SHANK2: variants seen among roughly 807,000 people sequenced by gnomAD.
SHANK2 encodes the protein SH3 and multiple ankyrin repeat domains 2, also known as SH3 and multiple ankyrin repeat domains protein 2.
In SHANK2, 43 loss-of-function variants were observed where a neutral mutation model predicts 133.7. The observed-to-expected ratio is 0.32, with a 90% CI of 0.25 to 0.41. The LOEUF is 0.41. Among genes scored for constraint, SHANK2 ranks in the 10% least tolerant of loss-of-function variants. The probability of loss-of-function intolerance (pLI) is 1.00; values close to 1 mark genes in which losing one functional copy is unlikely to be tolerated. For missense variants in SHANK2, 1,994 were observed against 2,235.8 expected (o/e 0.89, Z 2.18); for synonymous variants, 1,017 against 952.8 (o/e 1.07, Z -1.24).
At chr11:71,132,686 G>T (rs1345964691) in intron 3 of SHANK2, among the ~76,000 whole-genome samples, 1 of 152,156 alleles carries the variant, frequency 6.6e-6, no homozygotes, top group East Asian at 1.9e-4. Flanking sequence ...TTTAAATGAC[G>T]TGTAAGAAAA....
At position 70,492,441 on chromosome 11, in the gene SHANK2, G is replaced by A. The variant is rs1555156140; in HGVS notation, c.2333C>T (p.Ala778Val). 6.2e-7 allele frequency: 1 copy of A among 1,614,006 alleles called. No homozygotes were observed. The highest frequency in any genetic ancestry group is 1.7e-5 in the Admixed American group (1 of 60,032). The change falls in exon 22 of 26, where the codon GCC (alanine) becomes GTC (valine). Residue 778 changes from alanine to valine, a missense_variant. Ala to Val is a moderately conservative substitution (Grantham distance 64). Around this residue, in one of 5 missense-constraint regions of SHANK2, gnomAD observed 488 missense variants for 642.6 expected, o/e 0.76. Transcript: ENST00000601538. ...KKDKPEEIVPASKPSRAAENM... is the reference protein window; with the variant it reads ...KKDKPEEIVPVSKPSRAAENM... ...CTCAGCAGCGCGGGAGGGCTTGGAGGCCGGGACTATCTCCTCGGGTTTATC... is the reference window on the plus strand; with the variant it reads ...CTCAGCAGCGCGGGAGGGCTTGGAGACCGGGACTATCTCCTCGGGTTTATC...
chr11:70,644,696 G>A (rs545882919), intron 17 of SHANK2, among the ~76,000 whole-genome samples: 10 of 152,262 alleles, frequency 6.6e-5, no homozygotes, highest in Non-Finnish European at 1.3e-4. Flanking sequence ...GGTGAGGACA[G>A]TGCTGAAATC....
intron 23 of SHANK2, 94 bp from the exon 24 acceptor site, chr11:70,489,442 C>T: frequency 7.7e-6 from 9 of 1,175,362 alleles, no homozygotes; most frequent in Non-Finnish European, 1.0e-5. Flanking sequence ...GCTTTAAGCA[C>T]AGCAGACACC....
At chr11:71,095,390 C>G (rs1381411023) in intron 6 of SHANK2, among the ~76,000 whole-genome samples, 1 of 152,186 alleles carries the variant, frequency 6.6e-6, no homozygotes, top group African/African-American at 2.4e-5. Context: ...TCCGTCCACT[C>G]TTCATCTTTC....
At chr11:70,692,591 A>G (rs782180170) in intron 15 of SHANK2, among the ~76,000 whole-genome samples, 2 of 152,230 alleles carry the variant, frequency 1.3e-5, no homozygotes, top group Non-Finnish European at 2.9e-5. Context: ...CCTTCTCTAG[A>G]AAGAGCCTCA....
At chr11:70,619,182 G>A (rs188439706) in intron 17 of SHANK2, among the ~76,000 whole-genome samples, 168 of 152,298 alleles carry the variant, frequency 1.1e-3, no homozygotes, top group Non-Finnish European at 1.6e-3. Flanking sequence ...CTTATTGCTC[G>A]CTGTAATTAA....
At chr11:71,199,485 G>A (rs895306483) in intron 2 of SHANK2, among the ~76,000 whole-genome samples, 1 of 152,232 alleles carries the variant, frequency 6.6e-6, no homozygotes, top group Admixed American at 6.5e-5. Flanking sequence ...TTGCAGTCAC[G>A]CCCCAGGAAG....
chr11:70,741,127 C>G (rs1023132074), intron 14 of SHANK2, among the ~76,000 whole-genome samples: 17 of 152,124 alleles, frequency 1.1e-4, no homozygotes, highest in African/African-American at 4.1e-4. Context: ...TACCTTCTCC[C>G]ACTTTTGAAC....
chr11:70,805,754 C>T (rs1357117380), intron 13 of SHANK2, among the ~76,000 whole-genome samples: 1 of 152,106 alleles, frequency 6.6e-6, no homozygotes, highest in East Asian at 1.9e-4. Flanking sequence ...AACAGATAAA[C>T]AGAAAAGCTA....
Position 70,807,220 on chromosome 11 carries a change from C to G in SHANK2, c.1494-49G>C. On this transcript the variant is annotated intron_variant, in intron 12 of 25. Coordinates refer to ENST00000601538, the MANE Select transcript of SHANK2 (RefSeq NM_012309.5). This position sits in a 1 kb window ranked among gnomAD's most constrained non-coding sequence, Gnocchi z 4.8. ...GAGAGAGAGAGCAGAGTCACAAGGT[C>G]ACAAGCCACATGCCACAAACCACAG... is the stretch of plus-strand genomic sequence containing the variant. 1.4e-6 allele frequency: 1 copy of G among 698,514 alleles called. No homozygotes were observed. Among genetic ancestry groups the G allele is most frequent in the Non-Finnish European group, 2.6e-6 (1 of 381,084 alleles). 43.3% of individuals were successfully genotyped at this position (698,514 alleles called of 1,614,324 possible).
chr11:71,087,448 C>G (rs1310939412), intron 8 of SHANK2, among the ~76,000 whole-genome samples: 2 of 152,190 alleles, frequency 1.3e-5, no homozygotes, highest in Non-Finnish European at 2.9e-5. Context: ...ACTCTGTGAA[C>G]TACTCCACGT....
At chr11:70,932,068 T>C (rs1950511863) in intron 10 of SHANK2, among the ~76,000 whole-genome samples, 1 of 152,144 alleles carries the variant, frequency 6.6e-6, no homozygotes, top group Non-Finnish European at 1.5e-5. Flanking sequence ...GTATCTTCCA[T>C]CGGAAATGAG....
intron 14 of SHANK2, among the ~76,000 whole-genome samples, chr11:70,763,063 C>T (rs1467994804): frequency 6.6e-6 from 1 of 152,208 alleles, no homozygotes; most frequent in African/African-American, 2.4e-5. Flanking sequence ...TGCCAAGGAG[C>T]CTGATCTGAA....
chr11:70,534,452 G>A (rs1168458063), intron 17 of SHANK2, among the ~76,000 whole-genome samples: 1 of 152,174 alleles, frequency 6.6e-6, no homozygotes, highest in Non-Finnish European at 1.5e-5. Flanking sequence ...GATTTGGGTG[G>A]AGATGCAGCC....
At chr11:70,685,681 G>A (rs531883827) in intron 15 of SHANK2, among the ~76,000 whole-genome samples, 1 of 152,104 alleles carries the variant, frequency 6.6e-6, no homozygotes, top group African/African-American at 2.4e-5. Context: ...GGAGAGAACG[G>A]GGCAGCAGAG....
intron 14 of SHANK2, among the ~76,000 whole-genome samples, chr11:70,747,200 C>T (rs1946659193): frequency 1.3e-5 from 2 of 151,884 alleles, no homozygotes; most frequent in African/African-American, 2.4e-5. Flanking sequence ...GTACACCACC[C>T]TGAAGTGGAA....
At chr11:71,132,623 G>A (rs1292911802) in intron 3 of SHANK2, among the ~76,000 whole-genome samples, 15 of 152,116 alleles carry the variant, frequency 9.9e-5, no homozygotes, top group Admixed American at 3.9e-4. Flanking sequence ...TACAAAGCAC[G>A]AACCCAATAC....
intron 11 of SHANK2, among the ~76,000 whole-genome samples, chr11:70,893,549 C>A (rs560025641): frequency 6.6e-6 from 1 of 152,212 alleles, no homozygotes. Context: ...TCTCTCTCTG[C>A]GGGAAACTTT....
In SHANK2 at chr11:70,935,115, C is replaced by T. The variant is rs192130460; in HGVS notation, c.1108-38548G>A. ...AAAAAAATTCCAGAAATAAACAATTCACCTGTTTTCAATTGTGTGCCATTC... is the reference window on the plus strand; with the variant it reads ...AAAAAAATTCCAGAAATAAACAATTTACCTGTTTTCAATTGTGTGCCATTC... On this transcript the variant is annotated intron_variant, in intron 10 of 25. Coordinates refer to ENST00000601538, the MANE Select transcript of SHANK2 (RefSeq NM_012309.5). Among the ~76,000 whole-genome samples, 467 of 152,292 alleles carry T rather than the reference C, an allele frequency of 3.1e-3. 2 individuals are homozygous for T. The highest frequency in any genetic ancestry group is 3.7e-3 in the Non-Finnish European group (252 of 68,026).
Sources: gnomAD v4.1 joint callset for allele counts (sites outside exome capture counted in the v4.1 genomes callset) on GRCh38, gnomAD v4.1.1 for gene constraint, gnomAD v4.1.1 regional missense constraint, Gnocchi (gnomAD v3.1) non-coding constraint, MANE v1.5 for transcripts, NCBI Gene and HGNC (gene_info 2026-07-23, HGNC 2026-07-21) for gene names.